Variants in FOXP2 observed in about 807,000 individuals in gnomAD.
The protein encoded by FOXP2 is forkhead box protein P2.
A neutral mutation model predicts 115.8 loss-of-function variants in FOXP2; 12 were observed. That is an observed-to-expected ratio of 0.10 (90% CI 0.07 to 0.17). The LOEUF is 0.17. Among genes scored for constraint, FOXP2 ranks in the 10% least tolerant of loss-of-function variants. The pLI, the probability that FOXP2 is intolerant of heterozygous loss-of-function variation, is 1.00. For missense variants in FOXP2, 629 were observed against 843.5 expected, an observed-to-expected ratio of 0.75 and a Z score of 3.15; for synonymous variants, 328 against 297.7, an observed-to-expected ratio of 1.10 and a Z score of -1.05.
chr7:114,287,077 C>A (rs114848826), intron 1 of FOXP2, among the ~76,000 whole-genome samples: 1 of 152,080 alleles, frequency 6.6e-6, no homozygotes, highest in South Asian at 2.1e-4. Context: ...ACTCTCCATA[C>A]AGCTCTCCAT....
chr7:114,670,884 C>T (rs1563071315), intron 16 of FOXP2, among the ~76,000 whole-genome samples: 1 of 151,982 alleles, frequency 6.6e-6, no homozygotes, highest in Non-Finnish European at 1.5e-5. Context: ...TGCTCTTTCT[C>T]ATTGTTTTCA....
intron 3 of FOXP2, among the ~76,000 whole-genome samples, chr7:114,536,547 T>C (rs1439600314): frequency 6.6e-6 from 1 of 151,360 alleles, no homozygotes; most frequent in Non-Finnish European, 1.5e-5. Flanking sequence ...GTTGTTTGTT[T>C]ATCAATGCAG....
upstream of FOXP2, among the ~76,000 whole-genome samples, chr7:114,413,266 G>A (rs1793210915): frequency 6.6e-6 from 1 of 151,876 alleles, no homozygotes; most frequent in Non-Finnish European, 1.5e-5. Context: ...TGAAGAGTTG[G>A]GAGAAAAAAT....
chr7:114,115,184 T>C (rs1791369891), intron 1 of FOXP2, among the ~76,000 whole-genome samples: 3 of 152,160 alleles, frequency 2.0e-5, no homozygotes, highest in Admixed American at 2.0e-4. Context: ...GTTTCTGGTA[T>C]GTGGCTTTTG....
intron 1 of FOXP2, among the ~76,000 whole-genome samples, chr7:114,197,642 A>T (rs146924644): frequency 2.6e-5 from 4 of 152,164 alleles, no homozygotes; most frequent in African/African-American, 9.7e-5. Flanking sequence ...ATTTTTTTCT[A>T]TATAAAACAA....
At chr7:114,458,790 A>T (rs1795435044) in intron 2 of FOXP2, among the ~76,000 whole-genome samples, 1 of 151,286 alleles carries the variant, frequency 6.6e-6, no homozygotes. Context: ...AAATTGCTTG[A>T]CTCTTCCAAA....
At chr7:114,301,817 G>A (rs1027016199) in intron 2 of FOXP2, among the ~76,000 whole-genome samples, 1 of 152,028 alleles carries the variant, frequency 6.6e-6, no homozygotes. Context: ...CTCAAGAGCT[G>A]GTCAACATCT....
chr7:114,133,885 G>T (rs2129145870), intron 1 of FOXP2, among the ~76,000 whole-genome samples: 1 of 152,262 alleles, frequency 6.6e-6, no homozygotes, highest in African/African-American at 2.4e-5. Flanking sequence ...GAAAGACCTT[G>T]CCAGGAGCTA....
chr7:114,364,237 G>A (rs1791822198), intron 2 of FOXP2, among the ~76,000 whole-genome samples: 1 of 152,148 alleles, frequency 6.6e-6, no homozygotes, highest in Admixed American at 6.6e-5. Context: ...TCAATGGCCA[G>A]TTAGCTCACT....
chr7:114,248,911 C>G (rs530831449), intron 1 of FOXP2, among the ~76,000 whole-genome samples: 50 of 152,292 alleles, frequency 3.3e-4, no homozygotes, highest in African/African-American at 1.1e-3. Flanking sequence ...GTGTTCTTTT[C>G]CAGACAGCTG....
intron 2 of FOXP2, among the ~76,000 whole-genome samples, chr7:114,360,494 T>A (rs568873306): frequency 1.5e-4 from 23 of 152,170 alleles, no homozygotes; most frequent in Non-Finnish European, 3.2e-4. Flanking sequence ...TAAACTCAAT[T>A]TTGTGGAGCC....
chr7:114,265,831 C>T (rs545522135), intron 1 of FOXP2, among the ~76,000 whole-genome samples: 6 of 152,292 alleles, frequency 3.9e-5, no homozygotes, highest in African/African-American at 1.4e-4. Context: ...AGGATTATGG[C>T]TTCCACCTTA....
chr7:114,643,610 A>G (rs909778479), intron 7 of FOXP2, among the ~76,000 whole-genome samples: 5 of 152,156 alleles, frequency 3.3e-5, no homozygotes, highest in Admixed American at 2.0e-4. Flanking sequence ...TAAAAATTGC[A>G]TTTGTGAAAG....
chr7:114,254,665 T>C (rs1263353782), intron 1 of FOXP2, among the ~76,000 whole-genome samples: 1 of 152,200 alleles, frequency 6.6e-6, no homozygotes, highest in Non-Finnish European at 1.5e-5. Context: ...AGGACTTCCC[T>C]ACACTGGTTA....
chr7:114,532,946 A>T (rs1015664207), intron 2 of FOXP2, among the ~76,000 whole-genome samples: 1 of 152,008 alleles, frequency 6.6e-6, no homozygotes, highest in African/African-American at 2.4e-5. Flanking sequence ...TATTTAGAAT[A>T]TTGAATAAAA....
chr7:114,658,386 A>G, intron 11 of FOXP2, 119 bp downstream of exon 11: 1 of 1,051,328 alleles, frequency 9.5e-7, no homozygotes. Context: ...TTATGGAGTG[A>G]TAATTGTTTT....
chr7:114,421,220 A>G (rs552949757), intron 1 of FOXP2, among the ~76,000 whole-genome samples: 1 of 151,664 alleles, frequency 6.6e-6, no homozygotes, highest in South Asian at 2.1e-4. Flanking sequence ...TTTCATAATT[A>G]AATATTTATG....
intron 2 of FOXP2, among the ~76,000 whole-genome samples, chr7:114,367,730 T>A (rs1235877123): frequency 6.6e-6 from 1 of 152,174 alleles, no homozygotes; most frequent in Non-Finnish European, 1.5e-5. Context: ...AACACTACTT[T>A]CTAATTGATA....
intron 3 of FOXP2, among the ~76,000 whole-genome samples, chr7:114,541,286 G>GA (rs996790151): frequency 3.9e-4 from 59 of 152,106 alleles, no homozygotes; most frequent in African/African-American, 1.4e-3. Flanking sequence ...GGAGATTTCT[G>GA]AAAAAGGTAA....
Sources: allele counts gnomAD v4.1 joint callset (sites outside exome capture counted in the v4.1 genomes callset), GRCh38; gene constraint gnomAD v4.1.1; transcripts MANE v1.5; gene names NCBI Gene and HGNC (gene_info 2026-07-23, HGNC 2026-07-21).